KLHL14: variants seen among roughly 807,000 people sequenced by gnomAD.
KLHL14 encodes kelch like family member 14, also known as kelch-like protein 14.
In KLHL14, 22 loss-of-function variants were observed where a neutral mutation model predicts 64.3. That is an observed-to-expected ratio of 0.34 (90% CI 0.24 to 0.49). The LOEUF (loss-of-function observed/expected upper bound fraction) is 0.49, where lower values mean the gene tolerates loss of function less well. Ranked by LOEUF, KLHL14 falls within the 20% of genes least tolerant of loss-of-function variation. The pLI, the probability that KLHL14 is intolerant of heterozygous loss-of-function variation, is 0.99. For missense variants in KLHL14, 661 were observed against 789.0 expected, an observed-to-expected ratio of 0.84 and a Z score of 1.94; for synonymous variants, 322 against 333.4, an observed-to-expected ratio of 0.97 and a Z score of 0.37.
intron 5 of KLHL14, among the ~76,000 whole-genome samples, chr18:32,682,925 G>A (rs1340488581): frequency 2.0e-5 from 3 of 152,040 alleles, no homozygotes; most frequent in African/African-American, 4.8e-5. Context: ...TCACTAATGG[G>A]CCATCTTTAA....
intron 3 of KLHL14, among the ~76,000 whole-genome samples, chr18:32,697,721 T>C (rs2049943864): frequency 6.6e-6 from 1 of 152,226 alleles, no homozygotes; most frequent in African/African-American, 2.4e-5. Flanking sequence ...ACATGATTTA[T>C]TTTTAAGCCT....
chr18:32,675,662 G>C (rs567656224), intron 8 of KLHL14, among the ~76,000 whole-genome samples: 2 of 152,252 alleles, frequency 1.3e-5, no homozygotes, highest in East Asian at 3.9e-4. Flanking sequence ...TTAGAGGCTA[G>C]TGCTTGTGTA....
chr18:32,728,436 A>C (rs1381865038), intron 3 of KLHL14, among the ~76,000 whole-genome samples: 1 of 152,124 alleles, frequency 6.6e-6, no homozygotes, highest in African/African-American at 2.4e-5. Flanking sequence ...TAAATTAACA[A>C]ATGCAAGTGA....
intron 3 of KLHL14, among the ~76,000 whole-genome samples, chr18:32,730,064 T>C (rs575678802): frequency 6.6e-6 from 1 of 152,380 alleles, no homozygotes; most frequent in Middle Eastern, 3.4e-3. Context: ...CACTGCTTTT[T>C]TGTAGTTTGA....
intron 4 of KLHL14, among the ~76,000 whole-genome samples, chr18:32,689,923 T>G (rs1429484948): frequency 6.6e-6 from 1 of 152,162 alleles, no homozygotes; most frequent in African/African-American, 2.4e-5. Flanking sequence ...AGTAGTTACC[T>G]TGGAGGGTAG....
At chr18:32,685,742 A>C (rs549779616) in intron 5 of KLHL14, among the ~76,000 whole-genome samples, 1 of 152,242 alleles carries the variant, frequency 6.6e-6, no homozygotes, top group African/African-American at 2.4e-5. Context: ...TTTCTAAGGG[A>C]GTTTTAATAT....
chr18:32,771,515 C>T (rs1423496273), intron 1 of KLHL14, among the ~76,000 whole-genome samples: 1 of 152,178 alleles, frequency 6.6e-6, no homozygotes, highest in Non-Finnish European at 1.5e-5. Context: ...CCACCGCCAC[C>T]CCCACCCGGT....
intron 4 of KLHL14, among the ~76,000 whole-genome samples, chr18:32,693,377 TACACACACACAC>T (rs869067364): frequency 9.3e-5 from 9 of 96,658 alleles, no homozygotes; most frequent in East Asian, 3.1e-4. Flanking sequence ...AAAGGGATCT[TACACACACACAC>T]ACACACACAC....
At chr18:32,678,221 C>T (rs2049820624) in intron 7 of KLHL14, among the ~76,000 whole-genome samples, 1 of 152,072 alleles carries the variant, frequency 6.6e-6, no homozygotes, top group South Asian at 2.1e-4. Flanking sequence ...GTGGGAGCTT[C>T]GTGCTCACCA....
Position 32,695,748 on chromosome 18 carries a change from C to T in KLHL14, c.1070-196G>A, listed in dbSNP as rs564625252. On this transcript the variant is annotated intron_variant, in intron 3 of 8. Transcript: ENST00000359358. The stretch of plus-strand genomic sequence containing the variant: ...CAGTGACTCGGTGGTGTGTTCCCAG[C>T]GGTTTCAAACCCAACCCCTTTTGAC... Among the ~76,000 whole-genome samples, 8 of 152,036 alleles carry T rather than the reference C, an allele frequency of 5.3e-5. No individual in the cohort carries two copies. The East Asian group carries it at 7.8e-4, about 15-fold the overall frequency.
Position 32,687,244 on chromosome 18 carries a change from G to C in KLHL14, c.1160-11C>G, listed in dbSNP as rs1482009744. 2 of 1,601,522 alleles carry C rather than the reference G, an allele frequency of 1.2e-6. No homozygotes were observed. Among genetic ancestry groups the C allele is most frequent in the Non-Finnish European group, 1.7e-6 (2 of 1,168,626 alleles). On this transcript the variant is annotated splice_polypyrimidine_tract_variant and intron_variant, in intron 4 of 8. Coordinates refer to ENST00000359358, the MANE Select transcript of KLHL14 (RefSeq NM_020805.3). ...TTGTACTGTGTTTTCCTGTAAAAAT[G>C]CATTCGAGACATTTAAAACTTAGAT...
chr18:32,754,397 A>G (rs1369055051), intron 2 of KLHL14, among the ~76,000 whole-genome samples: 1 of 152,220 alleles, frequency 6.6e-6, no homozygotes, highest in Non-Finnish European at 1.5e-5. Context: ...CCTGCTGCAG[A>G]AGAAAAAGTG....
At chr18:32,749,622 C>T (rs1024469370) in intron 2 of KLHL14, among the ~76,000 whole-genome samples, 1 of 152,138 alleles carries the variant, frequency 6.6e-6, no homozygotes, top group Non-Finnish European at 1.5e-5. Flanking sequence ...AATATTGATA[C>T]TTTCAACATA....
rs192401942 is a variant in KLHL14 at position 32,726,350 on chromosome 18, G to A, written c.1069+15578C>T. Among the ~76,000 whole-genome samples, 125 of 152,316 alleles carry A rather than the reference G, an allele frequency of 8.2e-4. 1 individual carries two copies. Among genetic ancestry groups the A allele is most frequent in the Non-Finnish European group, 1.2e-3 (85 of 68,038 alleles). On this transcript the variant is annotated intron_variant, in intron 3 of 8. Coordinates refer to ENST00000359358, the MANE Select transcript of KLHL14 (RefSeq NM_020805.3). The stretch of plus-strand genomic sequence containing the variant: ...ATTAACATATTTTTCTTGGCCGGGT[G>A]CAGCGGCTCACACCTGTAATCCCAG...
Position 32,770,554 on chromosome 18 carries a change from G to C in KLHL14, c.38C>G (p.Pro13Arg). 1 of 1,598,684 alleles carries C rather than the reference G, an allele frequency of 6.3e-7. No individual in the cohort carries two copies. The highest frequency in any genetic ancestry group is 1.3e-5 in the African/African-American group (1 of 74,908). The change falls in exon 2 of 9, where the codon CCC (proline) becomes CGC (arginine). Residue 13 changes from proline to arginine, a missense_variant. Physicochemically the swap from Pro to Arg is moderately radical, Grantham distance 103. Around this residue, in one of 2 missense-constraint regions of KLHL14, gnomAD observed 331 missense variants for 339.0 expected, o/e 0.98. Transcript: ENST00000359358. The surrounding 1 kb of genome is among the most constrained non-coding windows in gnomAD (Gnocchi z 6.7). ...GTGCAGCAGGTTGTCGCTGTGGCTG[G>C]GGTCGAAGGTGGAGGTCCTGTCCCC... ...RSGDRTSTFD[P>R]SHSDNLLHGL...
At chr18:32,742,688 C>T (rs921234669) in intron 2 of KLHL14, among the ~76,000 whole-genome samples, 1 of 152,122 alleles carries the variant, frequency 6.6e-6, no homozygotes, top group African/African-American at 2.4e-5. Flanking sequence ...GCACCACTGG[C>T]GATATAGCAG....
At chr18:32,720,492 T>A (rs2050072554) in intron 3 of KLHL14, among the ~76,000 whole-genome samples, 1 of 152,072 alleles carries the variant, frequency 6.6e-6, no homozygotes, top group Admixed American at 6.6e-5. Flanking sequence ...TAAGGCCAAA[T>A]GGAGATGTTT....
intron 3 of KLHL14, among the ~76,000 whole-genome samples, chr18:32,709,680 C>A (rs1266803200): frequency 6.6e-6 from 1 of 152,076 alleles, no homozygotes; most frequent in South Asian, 2.1e-4. Flanking sequence ...AACTCCTGGC[C>A]TCAAGTGATT....
At chr18:32,753,000 T>A (rs916085988) in intron 2 of KLHL14, among the ~76,000 whole-genome samples, 3 of 151,582 alleles carry the variant, frequency 2.0e-5, no homozygotes, top group Non-Finnish European at 4.4e-5. Flanking sequence ...TGTGTGTCTT[T>A]TAAGCTTTCT....
Sources: allele counts gnomAD v4.1 joint callset (sites outside exome capture counted in the v4.1 genomes callset), GRCh38; gene constraint gnomAD v4.1.1; regional missense constraint gnomAD v4.1.1; non-coding constraint Gnocchi (gnomAD v3.1); transcripts MANE v1.5; gene names NCBI Gene and HGNC (gene_info 2026-07-23, HGNC 2026-07-21).